ZXDB: variants seen among roughly 807,000 people sequenced by gnomAD.
ZXDB encodes zinc finger X-linked duplicated B.
For missense variants in ZXDB, 413 were observed against 679.1 expected (o/e 0.61, Z 4.36); for synonymous variants, 273 against 314.3 (o/e 0.87, Z 1.39).
In ZXDB at chrX:57,592,625, C is replaced by A. The variant is rs1398978971; in HGVS notation, c.577C>A (p.His193Asn). The A allele has an allele frequency of 8.4e-7, 1 of 1,193,361 alleles. No homozygotes were observed. The highest frequency in any genetic ancestry group is 1.8e-5 in the African/African-American group (1 of 55,335). The change falls in exon 1 of 1, where the codon CAC becomes AAC. Residue 193 changes from histidine to asparagine, a missense_variant. Physicochemically the swap from His to Asn is moderately conservative, Grantham distance 68. Coordinates refer to ENST00000374888, the MANE Select transcript of ZXDB (RefSeq NM_007157.4). ...GVLTLATPPP[H>N]AWEPGAAPAQ... The stretch of plus-strand genomic sequence containing the variant: ...CCTCACCCTGGCCACGCCCCCACCA[C>A]ACGCCTGGGAGCCAGGGGCCGCTCC...
chrX:57,596,845 T>C lies in ZXDB; in HGVS notation c.*2385T>C, dbSNP rs1482595850. 8.1e-6 allele frequency: 1 copy of C among 123,455 alleles called. No individual in the cohort carries two copies. Among genetic ancestry groups the C allele is most frequent in the Non-Finnish European group, 1.9e-5 (1 of 53,286 alleles). 10.2% of individuals were successfully genotyped at this position (123,455 alleles called of 1,213,427 possible). On this transcript the variant is annotated 3_prime_UTR_variant, in exon 1 of 1. Transcript: ENST00000374888. ...CTCATGGCACATTTTCTTCAAATGC[T>C]AACATTTACTGAGTGTACATTGAAG...
At position 57,595,797 on chromosome X, in the gene ZXDB, G is replaced by A. The variant is rs2057909006; in HGVS notation, c.*1337G>A. 8.1e-6 allele frequency: 1 copy of A among 123,196 alleles called. No individual in the cohort carries two copies. Among genetic ancestry groups the A allele is most frequent in the South Asian group, 3.7e-4 (1 of 2,667 alleles). The allele number at this position is 123,196 out of a possible 1,213,427, so 10.2% of individuals were successfully genotyped here. On this transcript the variant is annotated 3_prime_UTR_variant, in exon 1 of 1. Coordinates refer to ENST00000374888, the MANE Select transcript of ZXDB (RefSeq NM_007157.4). Reference sequence around the variant, plus strand: ...CCCAGGGCTAAATTTTGGCTCTGTGGTGTTGGATAAGTGGCCTTGAATAAA... The same window carrying A: ...CCCAGGGCTAAATTTTGGCTCTGTGATGTTGGATAAGTGGCCTTGAATAAA...
In ZXDB at chrX:57,594,004, T is replaced by C. The variant is rs1275703635; in HGVS notation, c.1956T>C (p.Asn652=). ...STLAGHLPAN[N]NNSVGQAVDP... is the part of the protein sequence containing the mutation. ...TGGCAGGGCACCTCCCTGCTAATAA[T>C]AATAATTCCGTAGGGCAGGCTGTGG... Residue 652 remains asparagine, a synonymous_variant, in exon 1 of 1, where the codon AAT becomes AAC. Transcript: ENST00000374888. The C allele has an allele frequency of 3.6e-6, 4 of 1,116,665 alleles. No homozygotes were observed. The highest frequency in any genetic ancestry group is 4.9e-6 in the Non-Finnish European group (4 of 821,871). 92.0% of individuals were successfully genotyped at this position (1,116,665 alleles called of 1,213,427 possible).
In ZXDB at chrX:57,593,483, G is replaced by A. The variant is rs2057901804; in HGVS notation, c.1435G>A (p.Asp479Asn). 8.3e-7 allele frequency: 1 copy of A among 1,209,764 alleles called. No homozygotes were observed. The highest frequency in any genetic ancestry group is 1.1e-6 in the Non-Finnish European group (1 of 895,237). ...ACTCTTAAGGCACAAAAGAAAGCACGACGATGACCGGAGGTTCATGTGCCC... is the reference window on the plus strand; with the variant it reads ...ACTCTTAAGGCACAAAAGAAAGCACAACGATGACCGGAGGTTCATGTGCCC... ...SKLLRHKRKH[D>N]DDRRFMCPVE... The change falls in exon 1 of 1, where the codon GAC (aspartate) becomes AAC (asparagine). Residue 479 changes from aspartate to asparagine, a missense_variant. Asp to Asn is a conservative substitution (Grantham distance 23). Coordinates refer to ENST00000374888, the MANE Select transcript of ZXDB (RefSeq NM_007157.4).
chrX:57,592,173 G>T lies in ZXDB; in HGVS notation c.125G>T (p.Arg42Leu), dbSNP rs1470932001. 1.0e-5 allele frequency: 11 copies of T among 1,050,235 alleles called. No individual in the cohort carries two copies. Among genetic ancestry groups the T allele is most frequent in the Non-Finnish European group, 1.3e-5 (11 of 822,989 alleles). The allele number at this position is 1,050,235 out of a possible 1,213,427, so 86.6% of individuals were successfully genotyped here. A position where few individuals can be genotyped will look rare whatever the true frequency, so the allele number is the denominator to read the frequency against. ...PDSPAGQVPT[R>L]RLLLLRGPQD... ...TCGCCGGCTGGCCAGGTCCCCACGC[G>T]CCGCCTCCTGCTGCTCCGGGGCCCC... The change falls in exon 1 of 1, where the codon CGC (arginine) becomes CTC (leucine). Residue 42 changes from arginine (R) to leucine (L), a missense_variant. Arg to Leu is a moderately radical substitution (Grantham distance 102). Transcript: ENST00000374888.
At position 57,596,161 on chromosome X, in the gene ZXDB, A is replaced by G. The variant is rs766875246; in HGVS notation, c.*1701A>G. The stretch of plus-strand genomic sequence containing the variant: ...TTCCCTCTAAGAATTGCTGTGGGTA[A>G]TACCAGGAGTGGGGACATTGCCCAC... On this transcript the variant is annotated 3_prime_UTR_variant, in exon 1 of 1. Coordinates refer to ENST00000374888, the MANE Select transcript of ZXDB (RefSeq NM_007157.4). The G allele has an allele frequency of 1.2e-4, 15 of 123,151 alleles. No individual in the cohort carries two copies. The highest frequency in any genetic ancestry group is 4.9e-4 in the African/African-American group (15 of 30,752). The allele number at this position is 123,151 out of a possible 1,213,427, so 10.1% of individuals were successfully genotyped here. A position where few individuals can be genotyped will look rare whatever the true frequency, so the allele number is the denominator to read the frequency against.
rs1476376854 is a variant in ZXDB, at chrX:57,592,739, C to T, written c.691C>T (p.Leu231Phe). ...PGDCPELPPD[L>F]LLAEPAEPAP... Reference sequence around the variant, plus strand: ...TGACTGCCCAGAGCTGCCGCCAGACCTCCTGCTAGCTGAGCCGGCCGAACC... The same window carrying T: ...TGACTGCCCAGAGCTGCCGCCAGACTTCCTGCTAGCTGAGCCGGCCGAACC... The change falls in exon 1 of 1, where the codon CTC (leucine) becomes TTC (phenylalanine). Residue 231 changes from leucine to phenylalanine, a missense_variant. By Grantham distance (22) the Leu-to-Phe change is conservative (BLOSUM62 0). Coordinates refer to ENST00000374888, the MANE Select transcript of ZXDB (RefSeq NM_007157.4). The T allele has an allele frequency of 1.7e-6, 2 of 1,164,514 alleles. No individual in the cohort carries two copies. Among genetic ancestry groups the T allele is most frequent in the East Asian group, 3.2e-5 (1 of 30,803 alleles).
Position 57,594,259 on chromosome X carries a change from G to T in ZXDB, c.2211G>T (p.Leu737=). 8.3e-7 allele frequency: 1 copy of T among 1,211,534 alleles called. No individual in the cohort carries two copies. The highest frequency in any genetic ancestry group is 1.7e-5 in the African/African-American group (1 of 57,659). Residue 737 remains leucine (L), a synonymous_variant, in exon 1 of 1, where the codon CTG becomes CTT. Coordinates refer to ENST00000374888, the MANE Select transcript of ZXDB (RefSeq NM_007157.4). ...SSKLTVDTDA[L]TPSSTLCENS... is the part of the protein sequence containing the mutation. Reference sequence around the variant, plus strand: ...AGCTAACAGTGGACACAGATGCTCTGACTCCTTCGAGCACCCTTTGTGAAA... The same window carrying T: ...AGCTAACAGTGGACACAGATGCTCTTACTCCTTCGAGCACCCTTTGTGAAA...
chrX:57,596,641 T>C lies in ZXDB; in HGVS notation c.*2181T>C, dbSNP rs2057911572. The C allele has an allele frequency of 8.1e-6, 1 of 123,215 alleles. No individual in the cohort carries two copies. The highest frequency in any genetic ancestry group is 9.5e-5 in the Admixed American group (1 of 10,570). 10.2% of individuals were successfully genotyped at this position (123,215 alleles called of 1,213,427 possible). Reference sequence around the variant, plus strand: ...TCCCAGTCTACCCATCCAGCCTTCATGATTCATTCCTGTGTCAAGGTTAGT... The same window carrying C: ...TCCCAGTCTACCCATCCAGCCTTCACGATTCATTCCTGTGTCAAGGTTAGT... On this transcript the variant is annotated 3_prime_UTR_variant, in exon 1 of 1. Coordinates refer to ENST00000374888, the MANE Select transcript of ZXDB (RefSeq NM_007157.4).
Position 57,596,491 on chromosome X carries a change from T to C in ZXDB, c.*2031T>C, listed in dbSNP as rs1039224005. On this transcript the variant is annotated 3_prime_UTR_variant, in exon 1 of 1. Transcript: ENST00000374888. The stretch of plus-strand genomic sequence containing the variant: ...CGTTGTTCAGAACAACCCTGTGAAG[T>C]AGTTTTGGCAATGTCTGTGTTACAT... 2 of 123,667 alleles carry C rather than the reference T, an allele frequency of 1.6e-5. No homozygotes were observed. The highest frequency in any genetic ancestry group is 6.5e-5 in the African/African-American group (2 of 30,932). 10.2% of individuals were successfully genotyped at this position (123,667 alleles called of 1,213,427 possible).
chrX:57,595,821 A>T lies in ZXDB; in HGVS notation c.*1361A>T, dbSNP rs2057909030. 8.1e-6 allele frequency: 1 copy of T among 123,267 alleles called. No homozygotes were observed. The highest frequency in any genetic ancestry group is 1.9e-5 in the Non-Finnish European group (1 of 53,260). 10.2% of individuals were successfully genotyped at this position (123,267 alleles called of 1,213,427 possible). On this transcript the variant is annotated 3_prime_UTR_variant, in exon 1 of 1. Coordinates refer to ENST00000374888, the MANE Select transcript of ZXDB (RefSeq NM_007157.4). ...GGTGTTGGATAAGTGGCCTTGAATA[A>T]ATTAGTTATTAAGCTTCAGTTTTCT...
chrX:57,592,593 A>G lies in ZXDB; in HGVS notation c.545A>G (p.Asn182Ser). ...HNQDLLLRFENGVLTLATPPP... is the reference protein window; with the variant it reads ...HNQDLLLRFESGVLTLATPPP... ...CAGGACCTGCTGTTGCGCTTTGAGA[A>G]CGGCGTCCTCACCCTGGCCACGCCC... The change falls in exon 1 of 1, where the codon AAC becomes AGC. Residue 182 changes from asparagine to serine, a missense_variant. Transcript: ENST00000374888. The G allele has an allele frequency of 1.7e-6, 2 of 1,198,652 alleles. No homozygotes were observed. Among genetic ancestry groups the G allele is most frequent in the Non-Finnish European group, 2.2e-6 (2 of 890,515 alleles).
At position 57,592,576 on chromosome X, in the gene ZXDB, G is replaced by T. The variant is rs748454086; in HGVS notation, c.528G>T (p.Leu176=). 1.7e-6 allele frequency: 2 copies of T among 1,198,391 alleles called. No homozygotes were observed. The highest frequency in any genetic ancestry group is 4.4e-5 in the Admixed American group (2 of 45,299). Residue 176 remains leucine (L), a synonymous_variant, in exon 1 of 1, where the codon CTG becomes CTT. Transcript: ENST00000374888. ...CAGTCACTATCCACAACCAGGACCT[G>T]CTGTTGCGCTTTGAGAACGGCGTCC... ...AGTVTIHNQD[L]LLRFENGVLT...
In ZXDB at chrX:57,593,245, C is replaced by T. The variant is rs748122223; in HGVS notation, c.1197C>T (p.Gly399=). 2 of 1,212,025 alleles carry T rather than the reference C, an allele frequency of 1.7e-6. No homozygotes were observed. Among genetic ancestry groups the T allele is most frequent in the Admixed American group, 2.2e-5 (1 of 46,105 alleles). The change falls in exon 1 of 1, where the codon GGC becomes GGT. Residue 399 remains glycine (G), a synonymous_variant. Coordinates refer to ENST00000374888, the MANE Select transcript of ZXDB (RefSeq NM_007157.4). ...PERPYQCAFS[G]CKKTFITVSA... is the part of the protein sequence containing the mutation. The stretch of plus-strand genomic sequence containing the variant: ...GGCCTTACCAGTGCGCGTTTTCTGG[C>T]TGCAAGAAGACATTTATCACAGTGA...
Position 57,595,136 on chromosome X carries a change from A to G in ZXDB, c.*676A>G, listed in dbSNP as rs1288624292. ...TCAGTAAATATCCAGTGAGGGTTCA[A>G]ACTTCCAATTGCCTCATAAATGCTA... is the stretch of plus-strand genomic sequence containing the variant. On this transcript the variant is annotated 3_prime_UTR_variant, in exon 1 of 1. Transcript: ENST00000374888. 8.1e-6 allele frequency: 1 copy of G among 123,540 alleles called. No individual in the cohort carries two copies. Among genetic ancestry groups the G allele is most frequent in the South Asian group, 3.7e-4 (1 of 2,717 alleles). The allele number at this position is 123,540 out of a possible 1,213,427, so 10.2% of individuals were successfully genotyped here. A position where few individuals can be genotyped will look rare whatever the true frequency, so the allele number is the denominator to read the frequency against.
rs1057332 is a variant in ZXDB, at chrX:57,593,542, G to A, written c.1494G>A (p.Ala498=). 5 of 1,211,532 alleles carry A rather than the reference G, an allele frequency of 4.1e-6. No homozygotes were observed. Among genetic ancestry groups the A allele is most frequent in the East Asian group, 3.0e-5 (1 of 33,829 alleles). ...VEGCGKSFTR[A]EHLKGHSITH... The stretch of plus-strand genomic sequence containing the variant: ...GCTGTGGGAAATCTTTCACGAGGGC[G>A]GAACATCTGAAAGGCCACAGCATAA... Residue 498 remains alanine (A), a synonymous_variant, in exon 1 of 1, where the codon GCG becomes GCA. Coordinates refer to ENST00000374888, the MANE Select transcript of ZXDB (RefSeq NM_007157.4).
rs2057907447 is a variant in ZXDB, at chrX:57,595,151, C to G, written c.*691C>G. On this transcript the variant is annotated 3_prime_UTR_variant, in exon 1 of 1. Coordinates refer to ENST00000374888, the MANE Select transcript of ZXDB (RefSeq NM_007157.4). ...TGAGGGTTCAAACTTCCAATTGCCT[C>G]ATAAATGCTACTTGTTTTATTATTT... 8.1e-6 allele frequency: 1 copy of G among 123,507 alleles called. No homozygotes were observed. Among genetic ancestry groups the G allele is most frequent in the Non-Finnish European group, 1.9e-5 (1 of 53,265 alleles). The allele number at this position is 123,507 out of a possible 1,213,427, so 10.2% of individuals were successfully genotyped here.
rs1326332448 is a variant in ZXDB, at chrX:57,592,278, G to A, written c.230G>A (p.Arg77Lys). The change falls in exon 1 of 1, where the codon AGG becomes AAG. Residue 77 changes from arginine (R) to lysine (K), a missense_variant. Arg to Lys is a conservative substitution (Grantham distance 26). Coordinates refer to ENST00000374888, the MANE Select transcript of ZXDB (RefSeq NM_007157.4). ...RGPGPSLLAP[R>K]TDQPSGGGGG... The stretch of plus-strand genomic sequence containing the variant: ...CCTGGCCCAAGCCTGTTGGCGCCGA[G>A]GACCGATCAACCTAGCGGCGGCGGC... 1 of 1,183,840 alleles carries A rather than the reference G, an allele frequency of 8.4e-7. No individual in the cohort carries two copies. The highest frequency in any genetic ancestry group is 1.8e-5 in the African/African-American group (1 of 55,171).
chrX:57,592,417 G>A lies in ZXDB; in HGVS notation c.369G>A (p.Glu123=), dbSNP rs774725169. 10 of 1,165,043 alleles carry A rather than the reference G, an allele frequency of 8.6e-6. No individual in the cohort carries two copies. The South Asian group carries it at 1.7e-4, about 20-fold the overall frequency. Residue 123 remains glutamate (E), a synonymous_variant, in exon 1 of 1, where the codon GAG becomes GAA. Transcript: ENST00000374888. ...AGPVLREEAE[E]GPGLQGGESG... is the part of the protein sequence containing the mutation. ...CTGTGTTGAGGGAGGAGGCCGAGGAGGGCCCGGGGCTCCAGGGGGGCGAGA... is the reference window on the plus strand; with the variant it reads ...CTGTGTTGAGGGAGGAGGCCGAGGAAGGCCCGGGGCTCCAGGGGGGCGAGA...
Sources: gnomAD v4.1 joint callset for allele counts on GRCh38, gnomAD v4.1.1 for gene constraint, MANE v1.5 for transcripts, NCBI Gene and HGNC (gene_info 2026-07-23, HGNC 2026-07-21) for gene names.